EFCAB13: variants seen among roughly 807,000 people sequenced by gnomAD.
EFCAB13 encodes EF-hand calcium binding domain 13, also known as EF-hand calcium-binding domain-containing protein 13.
In EFCAB13, 91 loss-of-function variants were observed where a neutral mutation model predicts 110.2. The observed-to-expected ratio is 0.83, with a 90% confidence interval of 0.70 to 0.98. EFCAB13 has a LOEUF of 0.98. Ranked by LOEUF, EFCAB13 falls within the 50% of genes least tolerant of loss-of-function variation. EFCAB13 has a pLI of 0.00. For missense variants in EFCAB13, 968 were observed against 1,119.4 expected (o/e 0.86, Z 1.93); for synonymous variants, 323 against 369.9 (o/e 0.87, Z 1.45).
chr17:47,366,888 G>C (rs2065549685), intron 10 of EFCAB13, among the ~76,000 whole-genome samples: 1 of 152,216 alleles, frequency 6.6e-6, no homozygotes, highest in African/African-American at 2.4e-5. Flanking sequence ...TTGGACTTCT[G>C]TTCAGAGAAA....
At chr17:47,363,337 A>G (rs1306613105) in intron 10 of EFCAB13, among the ~76,000 whole-genome samples, 1 of 152,070 alleles carries the variant, frequency 6.6e-6, no homozygotes, top group East Asian at 1.9e-4. Flanking sequence ...GAGTAGCTGG[A>G]ATTACAGGCA....
intron 23 of EFCAB13, chr17:47,423,639 G>C (rs1904806652): frequency 2.6e-6 from 1 of 377,386 alleles, no homozygotes; most frequent in African/African-American, 2.1e-5. Flanking sequence ...TCGCTTCTCT[G>C]GGTTCCAGGT....
chr17:47,384,754 C>T (rs943198415), intron 14 of EFCAB13, among the ~76,000 whole-genome samples: 6 of 151,798 alleles, frequency 4.0e-5, no homozygotes, highest in African/African-American at 1.2e-4. Flanking sequence ...CCTGACCTCT[C>T]TCTCTGGCTG....
At chr17:47,420,416 G>A (rs1904616277) in intron 23 of EFCAB13, among the ~76,000 whole-genome samples, 1 of 150,276 alleles carries the variant, frequency 6.7e-6, no homozygotes, top group South Asian at 2.1e-4. Context: ...CCATCATCTG[G>A]GACGTGAGGA....
At chr17:47,342,914 T>G (rs1031720432) in intron 6 of EFCAB13, among the ~76,000 whole-genome samples, 1 of 152,184 alleles carries the variant, frequency 6.6e-6, no homozygotes, top group African/African-American at 2.4e-5. Context: ...TAACCTTTCC[T>G]CTGAGATTTT....
chr17:47,391,484 G>A lies in EFCAB13; in HGVS notation c.1630G>A (p.Val544Met), dbSNP rs1299802960. ...KAIDKIKDKN[V>M]DYEDLNTCLQ... is the part of the protein sequence containing the mutation. ...CATTGATAAAATTAAAGATAAAAAT[G>A]TGGATTATGAGGATCTAAATACTTG... The change falls in exon 15 of 25, where the codon GTG becomes ATG. Residue 544 changes from valine to methionine, a missense_variant. Physicochemically the swap from Val to Met is conservative, Grantham distance 21 (BLOSUM62 1). Transcript: ENST00000331493. 6.3e-7 allele frequency: 1 copy of A among 1,587,346 alleles called. No individual in the cohort carries two copies. The highest frequency in any genetic ancestry group is 8.5e-7 in the Non-Finnish European group (1 of 1,170,266).
intron 3 of EFCAB13, 106 bp from the exon 4 acceptor site, chr17:47,328,163 T>G (rs2065298409): frequency 1.6e-6 from 1 of 614,994 alleles, no homozygotes; most frequent in Non-Finnish European, 2.9e-6. Flanking sequence ...TTGTGTATCA[T>G]ACCCCAAGTC....
At chr17:47,402,080 A>C (rs12452315) in intron 17 of EFCAB13, 52 bp from the exon 18 acceptor site, 680,695 of 1,460,568 alleles carry the variant, frequency 0.47, 161,670 homozygotes, top group Non-Finnish European at 0.49. Context: ...GCTTTATTGG[A>C]TCTGACTTTT....
intron 23 of EFCAB13, among the ~76,000 whole-genome samples, chr17:47,424,872 A>ATTTTTTTTTTTTTTTTTTT (rs1459453287): frequency 8.8e-5 from 6 of 68,342 alleles, no homozygotes; most frequent in South Asian, 4.1e-4. Flanking sequence ...CCGGTTGACA[A>ATTTTTTTTTTTTTTTTTTT]TCTTTTTTTT....
chr17:47,342,995 G>GT (rs2065394470), intron 6 of EFCAB13, among the ~76,000 whole-genome samples: 1 of 152,006 alleles, frequency 6.6e-6, no homozygotes, highest in South Asian at 2.1e-4. Context: ...CCTGTGTCAT[G>GT]TTTTTTGCTC....
chr17:47,397,736 C>G (rs1484106100), intron 17 of EFCAB13, among the ~76,000 whole-genome samples: 1 of 151,616 alleles, frequency 6.6e-6, no homozygotes, highest in African/African-American at 2.4e-5. Flanking sequence ...CGTCTCTGCC[C>G]GGCCGCCCCG....
At chr17:47,415,816 A>C (rs946534280) in intron 23 of EFCAB13, among the ~76,000 whole-genome samples, 4 of 151,988 alleles carry the variant, frequency 2.6e-5, no homozygotes, top group African/African-American at 9.7e-5. Flanking sequence ...ATACCACACT[A>C]TCTATGTTGC....
intron 20 of EFCAB13, 41 bp from the exon 21 acceptor site, chr17:47,409,606 T>C (rs1441531515): frequency 6.7e-7 from 1 of 1,493,996 alleles, no homozygotes; most frequent in African/African-American, 1.4e-5. Context: ...AAGATCAGGA[T>C]GCCATTCCTC....
At chr17:47,327,088 G>T (rs573842568) in intron 3 of EFCAB13, among the ~76,000 whole-genome samples, 15 of 152,260 alleles carry the variant, frequency 9.9e-5, no homozygotes, top group Admixed American at 9.8e-4. Flanking sequence ...TCTAAGTGTT[G>T]GTTATCACAT....
intron 5 of EFCAB13, among the ~76,000 whole-genome samples, chr17:47,337,931 C>T (rs941323244): frequency 3.3e-5 from 5 of 152,112 alleles, no homozygotes; most frequent in African/African-American, 1.2e-4. Context: ...ACATAGCAGG[C>T]AACTTTGAAA....
In EFCAB13 at chr17:47,341,991, A is replaced by C; in HGVS notation, c.262A>C (p.Arg88=). Residue 88 remains arginine, a synonymous_variant, in exon 6 of 25, where the codon AGA becomes CGA. Coordinates refer to ENST00000331493, the MANE Select transcript of EFCAB13 (RefSeq NM_152347.5). ...TTTTTCAGGAGAAAAAAAAGTTGGGAGAAAGAGTTTACAAGTACAACAGCA... is the reference window on the plus strand; with the variant it reads ...TTTTTCAGGAGAAAAAAAAGTTGGGCGAAAGAGTTTACAAGTACAACAGCA... ...SDFSGEKKVG[R]KSLQVQQHSK... is the part of the protein sequence containing the mutation. The C allele has an allele frequency of 6.2e-7, 1 of 1,603,312 alleles. No individual in the cohort carries two copies. The highest frequency in any genetic ancestry group is 8.5e-7 in the Non-Finnish European group (1 of 1,175,852).
At chr17:47,421,453 A>T (rs1344008051) in intron 23 of EFCAB13, among the ~76,000 whole-genome samples, 1 of 151,504 alleles carries the variant, frequency 6.6e-6, no homozygotes, top group Non-Finnish European at 1.5e-5. Context: ...AGTCATCACC[A>T]CTCCCTAATC....
At chr17:47,365,665 T>C (rs2065541682) in intron 10 of EFCAB13, among the ~76,000 whole-genome samples, 1 of 152,100 alleles carries the variant, frequency 6.6e-6, no homozygotes, top group Admixed American at 6.5e-5. Flanking sequence ...AAATTACCAG[T>C]AAAAGTTGGT....
chr17:47,337,634 A>T (rs1299352045), intron 5 of EFCAB13, among the ~76,000 whole-genome samples: 1 of 152,188 alleles, frequency 6.6e-6, no homozygotes, highest in Non-Finnish European at 1.5e-5. Flanking sequence ...GGCAAAATTA[A>T]TATAAGTAGA....
Sources: allele counts gnomAD v4.1 joint callset (sites outside exome capture counted in the v4.1 genomes callset), GRCh38; gene constraint gnomAD v4.1.1; transcripts MANE v1.5; gene names NCBI Gene and HGNC (gene_info 2026-07-23, HGNC 2026-07-21).